RAD51B: variants seen among roughly 807,000 people sequenced by gnomAD.
RAD51B encodes the protein DNA repair protein RAD51 homolog 2.
In RAD51B, 38 loss-of-function variants were observed where a neutral mutation model predicts 42.2. The observed-to-expected ratio is 0.90, with a 90% CI of 0.70 to 1.18. The LOEUF (loss-of-function observed/expected upper bound fraction) is 1.18, where lower values mean the gene tolerates loss of function less well. RAD51B is among the 50% of genes most tolerant of loss of function. RAD51B has a pLI of 0.00. For synonymous variants in RAD51B, 154 were observed against 145.2 expected, an observed-to-expected ratio of 1.06 and a Z score of -0.43; for missense variants, 373 against 400.7, an observed-to-expected ratio of 0.93 and a Z score of 0.59.
chr14:68,296,404 A>G (rs1026620798), intron 8 of RAD51B, among the ~76,000 whole-genome samples: 2 of 152,112 alleles, frequency 1.3e-5, no homozygotes, highest in Admixed American at 6.6e-5. Flanking sequence ...AGTTATTGTG[A>G]CTGTTGTGTG....
intron 7 of RAD51B, among the ~76,000 whole-genome samples, chr14:68,258,552 C>T (rs2080807428): frequency 2.0e-5 from 3 of 151,988 alleles, no homozygotes; most frequent in Non-Finnish European, 2.9e-5. Context: ...AACCGTGGAA[C>T]ATTGCGATGG....
intron 9 of RAD51B, among the ~76,000 whole-genome samples, chr14:68,420,553 C>A (rs1192460174): frequency 6.6e-6 from 1 of 152,080 alleles, no homozygotes; most frequent in East Asian, 1.9e-4. Flanking sequence ...ACGGTAACTT[C>A]CTGATGTTGT....
intron 4 of RAD51B, among the ~76,000 whole-genome samples, chr14:67,859,568 G>A (rs2042098239): frequency 6.6e-6 from 1 of 152,162 alleles, no homozygotes; most frequent in African/African-American, 2.4e-5. Flanking sequence ...ATAGTAGGAA[G>A]CCATCATAAT....
intron 7 of RAD51B, among the ~76,000 whole-genome samples, chr14:67,923,628 A>G (rs1262382675): frequency 3.9e-5 from 6 of 152,090 alleles, no homozygotes; most frequent in African/African-American, 1.2e-4. Context: ...TCCACTCGTT[A>G]TTGATGGGCA....
At chr14:68,136,153 T>C (rs1043904408) in intron 7 of RAD51B, among the ~76,000 whole-genome samples, 5 of 152,336 alleles carry the variant, frequency 3.3e-5, no homozygotes, top group Non-Finnish European at 5.9e-5. Flanking sequence ...CTAGACTGTG[T>C]AATTAAAAAT....
intron 7 of RAD51B, among the ~76,000 whole-genome samples, chr14:68,056,009 G>T (rs1409311749): frequency 6.6e-6 from 1 of 152,050 alleles, no homozygotes; most frequent in Non-Finnish European, 1.5e-5. Flanking sequence ...CTTTTTTAGT[G>T]CCCTTGAAAT....
chr14:68,072,071 A>T (rs1019802276), intron 7 of RAD51B, among the ~76,000 whole-genome samples: 1 of 87,820 alleles, frequency 1.1e-5, no homozygotes, highest in African/African-American at 7.7e-5. Flanking sequence ...ATTTATATAA[A>T]TATATAAATA....
chr14:67,875,034 G>A (rs980101914), intron 5 of RAD51B, among the ~76,000 whole-genome samples: 1 of 152,152 alleles, frequency 6.6e-6, no homozygotes, highest in African/African-American at 2.4e-5. Flanking sequence ...CAATAAGCAT[G>A]TGAGAAAAAC....
chr14:67,987,155 TC>T (rs1203670657), intron 7 of RAD51B, among the ~76,000 whole-genome samples: 1 of 152,186 alleles, frequency 6.6e-6, no homozygotes, highest in Non-Finnish European at 1.5e-5. Flanking sequence ...GGGGTATCTA[TC>T]CCCTCAAGCA....
intron 7 of RAD51B, among the ~76,000 whole-genome samples, chr14:67,956,739 A>G (rs1007025230): frequency 6.6e-6 from 1 of 152,210 alleles, no homozygotes; most frequent in African/African-American, 2.4e-5. Flanking sequence ...ACTGTCCAAT[A>G]TGTTAACCAC....
At chr14:68,371,946 T>C (rs1594744244) in intron 8 of RAD51B, among the ~76,000 whole-genome samples, 1 of 152,356 alleles carries the variant, frequency 6.6e-6, no homozygotes, top group South Asian at 2.1e-4. Context: ...GAGAATGGGC[T>C]GAGCTGTAGT....
intron 7 of RAD51B, among the ~76,000 whole-genome samples, chr14:68,099,994 A>C (rs117544253): frequency 6.6e-6 from 1 of 152,144 alleles, no homozygotes; most frequent in Non-Finnish European, 1.5e-5. Flanking sequence ...TGAGAGGAGT[A>C]TGGGGTGAGA....
chr14:67,978,260 A>G (rs974639924), intron 7 of RAD51B, among the ~76,000 whole-genome samples: 2 of 152,178 alleles, frequency 1.3e-5, no homozygotes, highest in Non-Finnish European at 2.9e-5. Context: ...GTACTGGAAT[A>G]TTTGAATTAG....
rs73272275 is a variant in RAD51B, at chr14:68,324,950, A to C, written c.853+32970A>C. On this transcript the variant is annotated intron_variant, in intron 8 of 10. Transcript: ENST00000471583. ...TTCTTCAGGGAAAACTCTGTTGTATATGTCTCTGAGTCTCCCACAGCAACT... is the reference window on the plus strand; with the variant it reads ...TTCTTCAGGGAAAACTCTGTTGTATCTGTCTCTGAGTCTCCCACAGCAACT... Among the ~76,000 whole-genome samples the C allele has an allele frequency of 8.1e-3, 1,235 of 152,314 alleles. 13 individuals carry two copies. Among genetic ancestry groups the C allele is most frequent in the African/African-American group, 0.029 (1,198 of 41,558 alleles).
At chr14:68,339,330 C>G (rs1354679646) in intron 8 of RAD51B, 7 of 999,044 alleles carry the variant, frequency 7.0e-6, no homozygotes, top group Non-Finnish European at 1.1e-5. Context: ...GAGGATGGCT[C>G]TCTGCCGCTG....
chr14:68,627,471 C>T (rs1266727448), intron 10 of RAD51B: 1 of 152,226 alleles, frequency 6.6e-6, no homozygotes, highest in Non-Finnish European at 1.5e-5. Context: ...TTGCACTCCC[C>T]CTGACTTGTC....
intron 8 of RAD51B, among the ~76,000 whole-genome samples, chr14:68,346,504 T>C (rs529178566): frequency 7.2e-5 from 11 of 152,390 alleles, no homozygotes; most frequent in African/African-American, 2.6e-4. Flanking sequence ...TCTTCCTCGA[T>C]TTCATGTTCA....
chr14:68,513,828 A>G (rs1885929783), intron 10 of RAD51B, among the ~76,000 whole-genome samples: 1 of 152,158 alleles, frequency 6.6e-6, no homozygotes, highest in Non-Finnish European at 1.5e-5. Flanking sequence ...TAAAATTTTA[A>G]AATTTTGTTC....
chr14:68,405,313 A>T (rs1051667087), intron 8 of RAD51B, among the ~76,000 whole-genome samples: 1 of 152,166 alleles, frequency 6.6e-6, no homozygotes, highest in Non-Finnish European at 1.5e-5. Context: ...TCATTGTGGC[A>T]TGTGCCTGTG....
Sources: allele counts gnomAD v4.1 joint callset (sites outside exome capture counted in the v4.1 genomes callset), GRCh38; gene constraint gnomAD v4.1.1; transcripts MANE v1.5; gene names NCBI Gene and HGNC (gene_info 2026-07-23, HGNC 2026-07-21).